Variants in COBL observed in about 807,000 individuals in gnomAD.
COBL encodes cordon-bleu WH2 repeat protein.
A neutral mutation model predicts 98.8 loss-of-function variants in COBL; 51 were observed. The observed-to-expected ratio is 0.52, with a 90% CI of 0.41 to 0.65. The LOEUF (loss-of-function observed/expected upper bound fraction) is 0.65. Among genes scored for constraint, COBL ranks in the 30% least tolerant of loss-of-function variants. COBL has a pLI of 0.00. For missense variants in COBL, 1,617 were observed against 1,617.5 expected (o/e 1.00, Z 0.01); for synonymous variants, 634 against 651.7 (o/e 0.97, Z 0.41).
chr7:51,217,933 C>T (rs974753460), intron 2 of COBL, among the ~76,000 whole-genome samples: 9 of 152,198 alleles, frequency 5.9e-5, no homozygotes, highest in African/African-American at 2.2e-4. Context: ...TAGTGGCTTC[C>T]GGTGGACCAG....
chr7:51,063,283 C>A (rs1440779067), intron 7 of COBL, among the ~76,000 whole-genome samples: 2 of 151,888 alleles, frequency 1.3e-5, no homozygotes, highest in Non-Finnish European at 2.9e-5. Flanking sequence ...TACAGGCACC[C>A]ACCACCGCGC....
At chr7:51,169,389 C>T (rs1787639273) in intron 5 of COBL, among the ~76,000 whole-genome samples, 1 of 152,188 alleles carries the variant, frequency 6.6e-6, no homozygotes, top group Admixed American at 6.5e-5. Context: ...AGGCACATGT[C>T]GTCAGGACCT....
intron 7 of COBL, among the ~76,000 whole-genome samples, chr7:51,083,848 A>AG (rs1373994934): frequency 6.6e-6 from 1 of 152,176 alleles, no homozygotes; most frequent in East Asian, 1.9e-4. Context: ...GGGCGGAATC[A>AG]GGGGGTCCTG....
chr7:51,161,671 GAACTTT>G (rs559135365), intron 5 of COBL, among the ~76,000 whole-genome samples: 43 of 152,264 alleles, frequency 2.8e-4, no homozygotes, highest in East Asian at 9.6e-4. Context: ...TTTACCAGAA[GAACTTT>G]AACTTTATGG....
chr7:51,301,322 C>T (rs765581637), intron 1 of COBL, among the ~76,000 whole-genome samples: 4 of 152,212 alleles, frequency 2.6e-5, no homozygotes, highest in Non-Finnish European at 4.4e-5. Flanking sequence ...TCAACTACCG[C>T]GCCTGGCATC....
At chr7:51,239,108 C>A (rs1267889301) in intron 1 of COBL, among the ~76,000 whole-genome samples, 2 of 152,196 alleles carry the variant, frequency 1.3e-5, no homozygotes, top group Admixed American at 6.6e-5. Flanking sequence ...TTATTAAAAT[C>A]CATTCTGTCT....
chr7:51,039,125 G>A (rs1477407776), intron 8 of COBL, among the ~76,000 whole-genome samples: 3 of 152,186 alleles, frequency 2.0e-5, no homozygotes, highest in Non-Finnish European at 2.9e-5. Context: ...ATGTTTCAGG[G>A]GCACAATGAA....
intron 1 of COBL, among the ~76,000 whole-genome samples, chr7:51,282,560 A>C (rs1799903113): frequency 6.6e-6 from 1 of 152,132 alleles, no homozygotes; most frequent in Admixed American, 6.5e-5. Context: ...TGAAGCTTTG[A>C]AATAGATACA....
chr7:51,156,605 C>T, intron 5 of COBL: 1 of 984,656 alleles, frequency 1.0e-6, no homozygotes, highest in Non-Finnish European at 1.2e-6. Context: ...TCTCACCCCA[C>T]ATGGAGGGTC....
intron 7 of COBL, chr7:51,065,300 AG>A (rs1452134985): frequency 1.4e-6 from 1 of 703,428 alleles, no homozygotes; most frequent in Admixed American, 2.0e-5. Context: ...AATGGGGAGG[AG>A]GAAGAGAAAC....
At chr7:51,303,315 C>G (rs1802161667) in intron 1 of COBL, among the ~76,000 whole-genome samples, 1 of 152,190 alleles carries the variant, frequency 6.6e-6, no homozygotes. Flanking sequence ...AATCCCAGCC[C>G]TCTGGGAGGC....
chr7:51,219,490 C>A (rs139847343), intron 2 of COBL, among the ~76,000 whole-genome samples: 57 of 152,216 alleles, frequency 3.7e-4, no homozygotes, highest in African/African-American at 1.2e-3. Flanking sequence ...TAGGAGGCAG[C>A]CCTGGAGCCC....
intron 8 of COBL, among the ~76,000 whole-genome samples, chr7:51,037,829 C>T (rs145894661): frequency 2.0e-5 from 3 of 152,312 alleles, no homozygotes; most frequent in African/African-American, 7.2e-5. Flanking sequence ...TTTCAAATTG[C>T]AGCAGCACAT....
At chr7:51,217,340 CTTTTTT>C (rs937958755) in intron 2 of COBL, among the ~76,000 whole-genome samples, 2 of 127,718 alleles carry the variant, frequency 1.6e-5, no homozygotes, top group Non-Finnish European at 3.3e-5. Context: ...TTTTCTTTTT[CTTTTTT>C]TTTTTTTTTT....
intron 5 of COBL, among the ~76,000 whole-genome samples, chr7:51,139,623 T>A (rs1799551338): frequency 6.6e-6 from 1 of 152,214 alleles, no homozygotes. Flanking sequence ...TACTCAACAG[T>A]GTTTCTCAAC....
Position 51,099,739 on chromosome 7 carries a change from C to T in COBL, c.958-14435G>A, listed in dbSNP as rs919212326. Among the ~76,000 whole-genome samples, 12 of 152,058 alleles carry T rather than the reference C, an allele frequency of 7.9e-5. No homozygotes were observed. The Middle Eastern group carries it at 0.021, about 260-fold the overall frequency. On this transcript the variant is annotated intron_variant, in intron 6 of 12. Transcript: ENST00000265136. ...TCATGCTATGTGGTTTTTTTAACCA[C>T]AATTTTTTAACCACCATTATTATTA...
chr7:51,156,836 C>T, intron 5 of COBL, among the ~76,000 whole-genome samples: 1 of 152,254 alleles, frequency 6.6e-6, no homozygotes, highest in Middle Eastern at 3.4e-3. Context: ...TCCTCTCCCC[C>T]TTAAACTGTT....
At chr7:51,038,558 T>G (rs999155770) in intron 8 of COBL, among the ~76,000 whole-genome samples, 13 of 152,180 alleles carry the variant, frequency 8.5e-5, no homozygotes, top group African/African-American at 2.9e-4. Context: ...CATAGCGAGG[T>G]AGACCTTACA....
rs545494606 is a variant in COBL, at chr7:51,201,112, C to T, written c.246-7523G>A. Among the ~76,000 whole-genome samples, 284 of 151,672 alleles carry T rather than the reference C, an allele frequency of 1.9e-3. 3 individuals are homozygous for T. The highest frequency in any genetic ancestry group is 6.0e-3 in the African/African-American group (247 of 41,362). On this transcript the variant is annotated intron_variant, in intron 2 of 12. Transcript: ENST00000265136. Reference sequence around the variant, plus strand: ...AAAATTAGCTGGGCGTGGTGGTGGGCGCCTTTAATCCCTGCTACTTGGGAG... The same window carrying T: ...AAAATTAGCTGGGCGTGGTGGTGGGTGCCTTTAATCCCTGCTACTTGGGAG...
Sources: gnomAD v4.1 joint callset for allele counts (sites outside exome capture counted in the v4.1 genomes callset) on GRCh38, gnomAD v4.1.1 for gene constraint, MANE v1.5 for transcripts, NCBI Gene and HGNC (gene_info 2026-07-23, HGNC 2026-07-21) for gene names.